The following CNTNAP5 variants were observed in gnomAD, a reference collection of about 807,000 sequenced individuals.
The protein encoded by CNTNAP5 is contactin associated protein family member 5.
In CNTNAP5, 72 loss-of-function variants were observed where a neutral mutation model predicts 150.2. That is an observed-to-expected ratio of 0.48 (90% CI 0.40 to 0.58). The LOEUF is 0.58. Among genes scored for constraint, CNTNAP5 ranks in the 20% least tolerant of loss-of-function variants. The pLI, the probability that CNTNAP5 is intolerant of heterozygous loss-of-function variation, is 0.00. For missense variants in CNTNAP5, 1,636 were observed against 1,626.2 expected (o/e 1.01, Z -0.10); for synonymous variants, 672 against 619.8 (o/e 1.08, Z -1.25).
intron 2 of CNTNAP5, among the ~76,000 whole-genome samples, chr2:124,225,446 T>C (rs1686432190): frequency 1.3e-5 from 2 of 152,300 alleles, no homozygotes; most frequent in East Asian, 1.9e-4. Context: ...AAGCTGTGTG[T>C]CATTTTTATT....
intron 1 of CNTNAP5, among the ~76,000 whole-genome samples, chr2:124,130,762 A>T (rs1404123983): frequency 1.3e-5 from 2 of 152,162 alleles, no homozygotes; most frequent in Admixed American, 1.3e-4. Context: ...ATGCCATACT[A>T]GGCCACCAAC....
intron 2 of CNTNAP5, among the ~76,000 whole-genome samples, chr2:124,222,384 G>A (rs2104741585): frequency 6.6e-6 from 1 of 152,174 alleles, no homozygotes; most frequent in Admixed American, 6.6e-5. Context: ...TAACAAATAT[G>A]ATGTTGGATA....
intron 1 of CNTNAP5, among the ~76,000 whole-genome samples, chr2:124,167,899 G>A (rs1684843209): frequency 6.6e-6 from 1 of 152,124 alleles, no homozygotes. Context: ...GAAAGGGAGG[G>A]AGTACCAGAG....
chr2:124,276,835 A>C (rs145124519), intron 3 of CNTNAP5, among the ~76,000 whole-genome samples: 75 of 152,300 alleles, frequency 4.9e-4, no homozygotes, highest in African/African-American at 1.7e-3. Context: ...AAACCCAGTA[A>C]CATGTAAAAG....
At chr2:124,754,410 A>G (rs530752932) in intron 14 of CNTNAP5, among the ~76,000 whole-genome samples, 36 of 152,186 alleles carry the variant, frequency 2.4e-4, no homozygotes, top group Middle Eastern at 6.8e-3. Context: ...GTTTTTGCTC[A>G]CTCGGTCCCT....
At chr2:124,777,883 G>T (rs1484102596) in intron 17 of CNTNAP5, among the ~76,000 whole-genome samples, 3 of 150,880 alleles carry the variant, frequency 2.0e-5, no homozygotes, top group Non-Finnish European at 4.4e-5. Context: ...TTCTCATGCA[G>T]CTCAGAAAGA....
At chr2:124,072,334 C>G (rs1229888986) in intron 1 of CNTNAP5, among the ~76,000 whole-genome samples, 1 of 151,620 alleles carries the variant, frequency 6.6e-6, no homozygotes, top group African/African-American at 2.4e-5. Flanking sequence ...ACAAGGATAC[C>G]CACTTTTACC....
intron 17 of CNTNAP5, among the ~76,000 whole-genome samples, chr2:124,787,288 A>G (rs988539110): frequency 6.6e-6 from 1 of 152,196 alleles, no homozygotes; most frequent in African/African-American, 2.4e-5. Context: ...TCTCCTCTTT[A>G]TTCTACACAC....
chr2:124,263,307 C>T (rs1687511201), intron 3 of CNTNAP5, among the ~76,000 whole-genome samples: 2 of 152,076 alleles, frequency 1.3e-5, no homozygotes, highest in Non-Finnish European at 2.9e-5. Flanking sequence ...CTCTCCAGCA[C>T]CTGTTGTTTC....
rs547308594 is a variant in CNTNAP5, at chr2:124,646,558, CA to C, written c.1877-1196del. 1.1e-3 allele frequency among the ~76,000 whole-genome samples: 165 copies of C among 152,276 alleles called. 1 individual carries two copies. Among genetic ancestry groups the C allele is most frequent in the African/African-American group, 3.9e-3 (162 of 41,548 alleles). The stretch of plus-strand genomic sequence containing the variant: ...TTATGCGGGCAAGATTCTCAGATGA[CA>C]AAAGCTTTTCAAGTCTTCCTATTTC... On this transcript the variant is annotated intron_variant, in intron 12 of 23. Coordinates refer to ENST00000682447, the MANE Select transcript of CNTNAP5 (RefSeq NM_001367498.1).
chr2:124,204,916 T>G (rs1032786383), intron 1 of CNTNAP5, among the ~76,000 whole-genome samples: 3 of 152,194 alleles, frequency 2.0e-5, no homozygotes, highest in African/African-American at 7.2e-5. Flanking sequence ...AGCCCCATTT[T>G]CTAGGATATT....
Position 124,527,377 on chromosome 2 carries a change from A to G in CNTNAP5, c.1570A>G (p.Lys524Glu). 6.2e-7 allele frequency: 1 copy of G among 1,613,718 alleles called. No homozygotes were observed. Among genetic ancestry groups the G allele is most frequent in the African/African-American group, 1.3e-5 (1 of 75,028 alleles). Residue 524 changes from lysine (K) to glutamate (E), a missense_variant, in exon 10 of 24, where the codon AAG (lysine) becomes GAG (glutamate). By Grantham distance (56) the Lys-to-Glu change is moderately conservative. Transcript: ENST00000682447. ...MRLIFIDNQP[K>E]DLISVQQGSL... ...GCTCATCTTTATTGATAACCAGCCC[A>G]AGGACCTCATTTCAGTTCAGCAAGG...
chr2:124,055,816 A>G (rs1451465712), intron 1 of CNTNAP5, among the ~76,000 whole-genome samples: 3 of 152,158 alleles, frequency 2.0e-5, no homozygotes, highest in Non-Finnish European at 1.5e-5. Context: ...TTCCTAAGTC[A>G]TCAAGAAGAC....
chr2:124,865,277 AT>A (rs1369790233), intron 19 of CNTNAP5, 28 bp from the exon 20 acceptor site: 1 of 1,537,354 alleles, frequency 6.5e-7, no homozygotes, highest in Non-Finnish European at 8.8e-7. Context: ...GCTGCTTTAT[AT>A]TCTAATTTCT....
Position 124,635,449 on chromosome 2 carries a change from GGGCTA to G in CNTNAP5, c.1877-12305_1877-12301del, listed in dbSNP as rs1573512555. 2.0e-5 allele frequency among the ~76,000 whole-genome samples: 3 copies of G among 152,232 alleles called. No individual in the cohort carries two copies. The East Asian group carries it at 5.8e-4, about 29-fold the overall frequency. ...GGAACACAGATCAAACCATATCATG[GGGCTA>G]GGCAAAGAAGGGAAACCGGAGGAAA... On this transcript the variant is annotated intron_variant, in intron 12 of 23. Transcript: ENST00000682447.
chr2:124,331,407 A>G (rs1046071764), intron 3 of CNTNAP5, among the ~76,000 whole-genome samples: 36 of 152,228 alleles, frequency 2.4e-4, no homozygotes, highest in African/African-American at 7.2e-4. Flanking sequence ...TATCTATGCA[A>G]GTGTAACTCA....
At chr2:124,727,013 T>C (rs1442943430) in intron 13 of CNTNAP5, among the ~76,000 whole-genome samples, 2 of 152,108 alleles carry the variant, frequency 1.3e-5, no homozygotes, top group African/African-American at 4.8e-5. Flanking sequence ...GATTTTTACA[T>C]ATTGCATGAG....
chr2:124,594,383 T>A (rs1476269010), intron 11 of CNTNAP5, among the ~76,000 whole-genome samples: 5 of 152,210 alleles, frequency 3.3e-5, no homozygotes, highest in Non-Finnish European at 7.3e-5. Context: ...GCATCGTTTA[T>A]TAAATAGGGA....
chr2:124,819,921 C>T (rs1458957549), intron 19 of CNTNAP5, among the ~76,000 whole-genome samples: 1 of 152,176 alleles, frequency 6.6e-6, no homozygotes. Flanking sequence ...TCCATGTAGG[C>T]TCTGCCTTAC....
Sources: gnomAD v4.1 joint callset for allele counts (sites outside exome capture counted in the v4.1 genomes callset) on GRCh38, gnomAD v4.1.1 for gene constraint, MANE v1.5 for transcripts, NCBI Gene and HGNC (gene_info 2026-07-23, HGNC 2026-07-21) for gene names.